Variants in PPP1R42 observed in about 807,000 individuals in gnomAD.
PPP1R42 encodes protein phosphatase 1 regulatory subunit 42, also known as leucine rich repeat containing 67.
A neutral mutation model predicts 31.0 loss-of-function variants in PPP1R42; 34 were observed. The ratio of observed to expected loss-of-function variants is 1.10; its 90% CI spans 0.83 to 1.46. The LOEUF (loss-of-function observed/expected upper bound fraction) is 1.46, where lower values mean the gene tolerates loss of function less well. Among genes scored for constraint, PPP1R42 ranks in the 40% most tolerant of loss-of-function variants. The probability of loss-of-function intolerance (pLI) is 0.00; values close to 1 mark genes in which losing one functional copy is unlikely to be tolerated. For missense variants in PPP1R42, 268 were observed against 303.0 expected, an observed-to-expected ratio of 0.88 and a Z score of 0.86; for synonymous variants, 103 against 109.8, an observed-to-expected ratio of 0.94 and a Z score of 0.39.
At chr8:66,969,876 A>G (rs894892088) in intron 7 of PPP1R42, among the ~76,000 whole-genome samples, 1 of 152,230 alleles carries the variant, frequency 6.6e-6, no homozygotes, top group African/African-American at 2.4e-5. Context: ...CAATAGAGCA[A>G]TCATTGTATT....
intron 5 of PPP1R42, among the ~76,000 whole-genome samples, chr8:67,000,914 T>C (rs1182731728): frequency 2.6e-5 from 4 of 152,246 alleles, no homozygotes; most frequent in Admixed American, 2.6e-4. Context: ...ATCTCTGTTA[T>C]AATTATGGGT....
chr8:66,967,926 A>G (rs1814431450), intron 7 of PPP1R42, among the ~76,000 whole-genome samples: 1 of 151,104 alleles, frequency 6.6e-6, no homozygotes, highest in Admixed American at 6.6e-5. Flanking sequence ...TTTATATGCA[A>G]TATATAAATG....
intron 5 of PPP1R42, among the ~76,000 whole-genome samples, chr8:66,988,886 C>G (rs1253412223): frequency 6.6e-6 from 1 of 151,892 alleles, no homozygotes; most frequent in African/African-American, 2.4e-5. Flanking sequence ...TAAGCAGTCC[C>G]TGGTGATTGT....
intron 2 of PPP1R42, among the ~76,000 whole-genome samples, chr8:67,016,663 G>GT (rs891034611): frequency 1.4e-4 from 21 of 152,232 alleles, no homozygotes; most frequent in Middle Eastern, 6.8e-3. Flanking sequence ...GGTAAAGGTG[G>GT]TTTTTGGTTA....
At chr8:66,973,072 A>G (rs540054307) in intron 7 of PPP1R42, among the ~76,000 whole-genome samples, 12 of 152,298 alleles carry the variant, frequency 7.9e-5, no homozygotes, top group Middle Eastern at 6.8e-3. Context: ...AATATCTGAA[A>G]TGTTTAGCAC....
intron 7 of PPP1R42, among the ~76,000 whole-genome samples, chr8:66,969,003 G>A (rs1028737772): frequency 6.6e-6 from 1 of 152,292 alleles, no homozygotes; most frequent in Middle Eastern, 3.4e-3. Flanking sequence ...CTTCATTTAG[G>A]ATAGCCTATC....
intron 5 of PPP1R42, among the ~76,000 whole-genome samples, chr8:66,995,119 G>A (rs1336762109): frequency 6.6e-6 from 1 of 152,170 alleles, no homozygotes; most frequent in East Asian, 1.9e-4. Flanking sequence ...AGGGTTTGAT[G>A]TCAGTAGCTT....
intron 5 of PPP1R42, among the ~76,000 whole-genome samples, chr8:66,998,167 A>T (rs928269777): frequency 2.0e-5 from 3 of 152,210 alleles, no homozygotes. Context: ...CAAAACCAGA[A>T]TACAGTCTGC....
chr8:66,984,998 C>T (rs1814961270), intron 6 of PPP1R42: 2 of 1,552,232 alleles, frequency 1.3e-6, no homozygotes, highest in East Asian at 2.3e-5. Flanking sequence ...CCAAAATAAT[C>T]TTCTCTCTTG....
intron 6 of PPP1R42, chr8:66,986,125 G>C: frequency 1.5e-6 from 1 of 682,818 alleles, no homozygotes; most frequent in Non-Finnish European, 2.8e-6. Flanking sequence ...GCAGTTCAAT[G>C]CTGCTGTGAC....
At chr8:67,008,330 T>A (rs1022453400) in intron 5 of PPP1R42, among the ~76,000 whole-genome samples, 1 of 152,158 alleles carries the variant, frequency 6.6e-6, no homozygotes, top group Non-Finnish European at 1.5e-5. Context: ...AAGTTGGGAC[T>A]ACTGTAAATA....
At chr8:66,998,293 T>G (rs1187047157) in intron 5 of PPP1R42, among the ~76,000 whole-genome samples, 2 of 152,216 alleles carry the variant, frequency 1.3e-5, no homozygotes, top group Non-Finnish European at 2.9e-5. Context: ...TCCCTAAGTA[T>G]TTTATATATC....
intron 1 of PPP1R42, among the ~76,000 whole-genome samples, chr8:67,019,707 A>G (rs908067137): frequency 2.0e-5 from 3 of 151,480 alleles, no homozygotes; most frequent in Admixed American, 1.3e-4. Context: ...CCTGGCTAAC[A>G]CGGTGAAACC....
chr8:66,990,921 G>C (rs1220349030), intron 5 of PPP1R42, among the ~76,000 whole-genome samples: 1 of 152,114 alleles, frequency 6.6e-6, no homozygotes, highest in Non-Finnish European at 1.5e-5. Context: ...GAATAAATTA[G>C]AAACTGAGAA....
At chr8:66,969,523 C>T (rs1011898851) in intron 7 of PPP1R42, among the ~76,000 whole-genome samples, 5 of 152,154 alleles carry the variant, frequency 3.3e-5, no homozygotes, top group African/African-American at 1.2e-4. Context: ...TTTCACTTCT[C>T]CCCAAATAAA....
At chr8:66,987,720 CT>C (rs754672242) in intron 6 of PPP1R42, among the ~76,000 whole-genome samples, 3 of 152,160 alleles carry the variant, frequency 2.0e-5, no homozygotes, top group Admixed American at 1.3e-4. Context: ...ACAAAATTTG[CT>C]TCCACTCATG....
rs188731548 is a variant in PPP1R42, at chr8:67,015,964, G to A, written c.130-1372C>T. On this transcript the variant is annotated intron_variant, in intron 2 of 7. Transcript: ENST00000685739. ...ACCAATTTGCCTTCCTTCTAACAAA[G>A]ATCATCCACCCTGGAGGAGCACTGA... 1.9e-3 allele frequency among the ~76,000 whole-genome samples: 295 copies of A among 152,308 alleles called. 3 individuals carry two copies. Among genetic ancestry groups the A allele is most frequent in the African/African-American group, 6.2e-3 (259 of 41,568 alleles).
intron 5 of PPP1R42, among the ~76,000 whole-genome samples, chr8:67,001,280 G>T (rs1410185897): frequency 6.8e-6 from 1 of 147,134 alleles, no homozygotes; most frequent in African/African-American, 2.5e-5. Flanking sequence ...CGAACTCCTG[G>T]GCTCAAGTGA....
intron 4 of PPP1R42, among the ~76,000 whole-genome samples, chr8:67,011,244 C>T (rs1002096225): frequency 1.8e-4 from 27 of 152,160 alleles, no homozygotes; most frequent in African/African-American, 6.0e-4. Flanking sequence ...TTTGTACTTA[C>T]ATAGGGGTGC....
Sources: allele counts gnomAD v4.1 joint callset (sites outside exome capture counted in the v4.1 genomes callset), GRCh38; gene constraint gnomAD v4.1.1; transcripts MANE v1.5; gene names NCBI Gene and HGNC (gene_info 2026-07-23, HGNC 2026-07-21).